Variants in RFX3 observed in about 807,000 individuals in gnomAD.
RFX3 encodes the protein regulatory factor X3.
RFX3 carries 14 observed loss-of-function variants against 98.6 expected under a neutral mutation model. That is an observed-to-expected ratio of 0.14 (90% CI 0.09 to 0.22). RFX3 has a LOEUF of 0.22. Ranked by LOEUF, RFX3 falls within the 10% of genes least tolerant of loss-of-function variation. The probability of loss-of-function intolerance (pLI) is 1.00; values close to 1 mark genes in which losing one functional copy is unlikely to be tolerated. For missense variants in RFX3, 639 were observed against 926.9 expected, an observed-to-expected ratio of 0.69 and a Z score of 4.03; for synonymous variants, 383 against 328.4, an observed-to-expected ratio of 1.17 and a Z score of -1.80.
At chr9:3,273,863 T>TCA (rs1824848424) in intron 9 of RFX3, among the ~76,000 whole-genome samples, 1 of 115,830 alleles carries the variant, frequency 8.6e-6, no homozygotes, top group African/African-American at 4.7e-5. Flanking sequence ...AGACTCTGTC[T>TCA]CAAAAAAAAA....
intron 2 of RFX3, among the ~76,000 whole-genome samples, chr9:3,377,647 T>C (rs1222645537): frequency 6.6e-6 from 1 of 152,160 alleles, no homozygotes; most frequent in Non-Finnish European, 1.5e-5. Flanking sequence ...ATAAAAGTCG[T>C]GGAAAATATA....
chr9:3,480,252 A>T (rs1379551066), intron 1 of RFX3, among the ~76,000 whole-genome samples: 1 of 152,216 alleles, frequency 6.6e-6, no homozygotes, highest in Admixed American at 6.5e-5. Context: ...ATCAGCTAGG[A>T]TACTAGCATG....
intron 1 of RFX3, among the ~76,000 whole-genome samples, chr9:3,464,568 G>A (rs77977046): frequency 0.042 from 6,392 of 152,198 alleles, 459 homozygotes; most frequent in African/African-American, 0.15. Flanking sequence ...CAGCAAAATT[G>A]TAGTACTATA....
At chr9:3,330,732 T>C (rs1384727320) in intron 3 of RFX3, among the ~76,000 whole-genome samples, 1 of 152,172 alleles carries the variant, frequency 6.6e-6, no homozygotes, top group Admixed American at 6.5e-5. Flanking sequence ...AACTAGTTTC[T>C]GTACTACAGA....
At chr9:3,412,828 G>A (rs1320605308) in intron 1 of RFX3, among the ~76,000 whole-genome samples, 1 of 152,028 alleles carries the variant, frequency 6.6e-6, no homozygotes, top group Non-Finnish European at 1.5e-5. Flanking sequence ...CAATTCTACT[G>A]GTAAATTCAT....
intron 1 of RFX3, among the ~76,000 whole-genome samples, chr9:3,453,178 T>C (rs917577972): frequency 3.3e-5 from 5 of 152,064 alleles, no homozygotes; most frequent in African/African-American, 4.8e-5. Flanking sequence ...TGGAAGTCTG[T>C]AGACGAGATC....
chr9:3,255,926 G>A (rs1362510824), intron 14 of RFX3, among the ~76,000 whole-genome samples: 1 of 151,614 alleles, frequency 6.6e-6, no homozygotes, highest in Non-Finnish European at 1.5e-5. Flanking sequence ...GGAGAGCTTT[G>A]TGAAAAAAAT....
chr9:3,242,402 ATTGT>A (rs1336616133), intron 15 of RFX3, among the ~76,000 whole-genome samples: 1 of 151,422 alleles, frequency 6.6e-6, no homozygotes, highest in Non-Finnish European at 1.5e-5. Flanking sequence ...CTCTTCCATG[ATTGT>A]TTTTTTTTTT....
At chr9:3,478,145 G>A (rs144030189) in intron 1 of RFX3, among the ~76,000 whole-genome samples, 7 of 151,774 alleles carry the variant, frequency 4.6e-5, no homozygotes, top group African/African-American at 1.4e-4. Flanking sequence ...GCTCCCACAG[G>A]GACTTTTTTT....
At chr9:3,251,621 C>T (rs1821413791) in intron 14 of RFX3, among the ~76,000 whole-genome samples, 1 of 152,016 alleles carries the variant, frequency 6.6e-6, no homozygotes, top group African/African-American at 2.4e-5. Flanking sequence ...AGGTGCAAGC[C>T]ACCATGCCTG....
chr9:3,314,046 G>C (rs1449917367), intron 4 of RFX3, among the ~76,000 whole-genome samples: 1 of 152,084 alleles, frequency 6.6e-6, no homozygotes, highest in African/African-American at 2.4e-5. Flanking sequence ...TCCTCGAGAA[G>C]AACAACTCCA....
intron 1 of RFX3, among the ~76,000 whole-genome samples, chr9:3,440,149 A>G (rs1023810644): frequency 4.6e-5 from 7 of 152,086 alleles, no homozygotes; most frequent in South Asian, 2.1e-4. Context: ...AGTTAACATC[A>G]TATTTAAAGA....
intron 15 of RFX3, chr9:3,247,305 G>C: frequency 2.0e-6 from 2 of 987,104 alleles, no homozygotes; most frequent in Non-Finnish European, 2.4e-6. Flanking sequence ...TGACTATTCA[G>C]AAATTCTGAA....
rs138453226 is a variant in RFX3 at position 3,343,712 on chromosome 9, A to G, written c.215+2955T>C. On this transcript the variant is annotated intron_variant, in intron 3 of 16. Coordinates refer to ENST00000617270, the MANE Select transcript of RFX3 (RefSeq NM_001282116.2). ...AATGATGCTACAGAACCTTTAGTCA[A>G]AAATTATCCTTGATAGTAATGAAAG... Among the ~76,000 whole-genome samples the G allele has an allele frequency of 6.0e-3, 916 of 152,324 alleles. 3 individuals are homozygous for G. Among genetic ancestry groups the G allele is most frequent in the Non-Finnish European group, 9.7e-3 (661 of 68,020 alleles).
chr9:3,522,404 C>T (rs1818807004), intron 1 of RFX3, among the ~76,000 whole-genome samples: 1 of 152,082 alleles, frequency 6.6e-6, no homozygotes, highest in East Asian at 1.9e-4. Context: ...GGATTTTTAG[C>T]CAAAGGTTCA....
At chr9:3,395,381 G>A (rs1044132207) in intron 2 of RFX3, 91 bp downstream of exon 2, 1 of 1,445,562 alleles carries the variant, frequency 6.9e-7, no homozygotes, top group Non-Finnish European at 9.6e-7. Flanking sequence ...TAGCAAGACA[G>A]TAAAGTTCAA....
At chr9:3,333,422 A>C (rs2130927859) in intron 3 of RFX3, among the ~76,000 whole-genome samples, 1 of 150,596 alleles carries the variant, frequency 6.6e-6, no homozygotes, top group South Asian at 2.1e-4. Flanking sequence ...ATAGAAACAA[A>C]TTCATAGAAA....
chr9:3,245,325 G>C (rs1820518578), intron 15 of RFX3, among the ~76,000 whole-genome samples: 1 of 152,166 alleles, frequency 6.6e-6, no homozygotes, highest in Admixed American at 6.5e-5. Context: ...CCAAGGATGA[G>C]AAAACCTTAG....
intron 4 of RFX3, among the ~76,000 whole-genome samples, chr9:3,318,757 T>A (rs1250648557): frequency 6.6e-6 from 1 of 152,194 alleles, no homozygotes; most frequent in Non-Finnish European, 1.5e-5. Flanking sequence ...TTTTGGCAAT[T>A]TTGTACCAAA....
Sources: allele counts gnomAD v4.1 joint callset (sites outside exome capture counted in the v4.1 genomes callset), GRCh38; gene constraint gnomAD v4.1.1; transcripts MANE v1.5; gene names NCBI Gene and HGNC (gene_info 2026-07-23, HGNC 2026-07-21).